Variants in TMTC2 observed in about 807,000 individuals in gnomAD.
TMTC2 encodes protein O-mannosyl-transferase TMTC2.
Under a neutral mutation model 82.4 loss-of-function variants are expected in TMTC2, and 43 were observed. The observed-to-expected ratio is 0.52, with a 90% confidence interval of 0.41 to 0.67. The LOEUF is 0.67. TMTC2 is among the 30% of genes least tolerant of loss of function. TMTC2 has a pLI of 0.00. For synonymous variants in TMTC2, 408 were observed against 381.9 expected (o/e 1.07, Z -0.80); for missense variants, 919 against 1,012.4 (o/e 0.91, Z 1.25).
chr12:82,879,166 G>A (rs1592596665), intron 2 of TMTC2, among the ~76,000 whole-genome samples: 1 of 152,264 alleles, frequency 6.6e-6, no homozygotes, highest in East Asian at 1.9e-4. Flanking sequence ...TCTTATATCA[G>A]TTACCACCTT....
At chr12:82,784,598 C>T (rs77441325) in intron 1 of TMTC2, among the ~76,000 whole-genome samples, 2,438 of 152,190 alleles carry the variant, frequency 0.016, 62 homozygotes, top group African/African-American at 0.055. Context: ...AGACTTCTAG[C>T]TTTCCTCTTT....
intron 2 of TMTC2, among the ~76,000 whole-genome samples, chr12:82,888,964 A>C (rs1873249934): frequency 6.6e-6 from 1 of 152,158 alleles, no homozygotes. Context: ...TAATAGCTTC[A>C]ATAAATAACA....
At chr12:82,947,686 T>G (rs1877098700) in intron 4 of TMTC2, among the ~76,000 whole-genome samples, 1 of 152,186 alleles carries the variant, frequency 6.6e-6, no homozygotes, top group Non-Finnish European at 1.5e-5. Flanking sequence ...AATAAGCAAG[T>G]TGGCCATTTC....
chr12:83,005,432 A>C (rs1880155592), intron 8 of TMTC2, among the ~76,000 whole-genome samples: 1 of 148,452 alleles, frequency 6.7e-6, no homozygotes, highest in African/African-American at 2.5e-5. Flanking sequence ...GTGGTGGGGG[A>C]GATGGGAGAG....
chr12:82,944,682 A>G (rs1876908023), intron 4 of TMTC2, among the ~76,000 whole-genome samples: 1 of 152,204 alleles, frequency 6.6e-6, no homozygotes, highest in Non-Finnish European at 1.5e-5. Context: ...TAGGACAGTA[A>G]GATGGGAGAA....
chr12:83,083,807 A>G (rs1434692382), intron 11 of TMTC2, among the ~76,000 whole-genome samples: 2 of 152,228 alleles, frequency 1.3e-5, no homozygotes, highest in Non-Finnish European at 2.9e-5. Context: ...GATGCTCAGC[A>G]CAAGACAGCA....
At chr12:82,730,296 C>A (rs75575529) in intron 1 of TMTC2, among the ~76,000 whole-genome samples, 33 of 78,978 alleles carry the variant, frequency 4.2e-4, no homozygotes, top group African/African-American at 5.6e-4. Context: ...CTCTGTCTCT[C>A]AAAAAAAAAA....
chr12:82,999,342 A>G (rs1265601526), intron 8 of TMTC2, among the ~76,000 whole-genome samples: 1 of 152,216 alleles, frequency 6.6e-6, no homozygotes, highest in Admixed American at 6.5e-5. Flanking sequence ...GTAAATTATC[A>G]TCCTCATGAT....
rs143703460 is a variant in TMTC2, at chr12:82,965,957, T to G, written c.1869+213T>G. The G allele has an allele frequency of 9.8e-5, 55 of 562,002 alleles. 2 individuals are homozygous for G. Among genetic ancestry groups the G allele is most frequent in the African/African-American group, 7.8e-4 (42 of 53,636 alleles). 34.8% of individuals were successfully genotyped at this position (562,002 alleles called of 1,614,324 possible). A position where few individuals can be genotyped will look rare whatever the true frequency, so the allele number is the denominator to read the frequency against. On this transcript the variant is annotated intron_variant, in intron 6 of 11. Transcript: ENST00000321196. ...GAAAAAGCTTCTGCTAAATAAAAAT[T>G]TAATAGATTTCTTTCCTGTGAGTTT...
At chr12:82,874,128 C>T (rs991770791) in intron 2 of TMTC2, among the ~76,000 whole-genome samples, 23 of 152,178 alleles carry the variant, frequency 1.5e-4, no homozygotes, top group Admixed American at 4.6e-4. Flanking sequence ...TAAGTGAAAG[C>T]CTCTGAAAAA....
intron 2 of TMTC2, among the ~76,000 whole-genome samples, chr12:82,870,587 A>T (rs1872123551): frequency 6.6e-6 from 1 of 152,196 alleles, no homozygotes; most frequent in African/African-American, 2.4e-5. Context: ...GCAAAATTTT[A>T]GTCATTAGCA....
rs117672019 is a variant in TMTC2, at chr12:83,107,790, G to A, written c.2332-24420G>A. 6.5e-3 allele frequency among the ~76,000 whole-genome samples: 983 copies of A among 152,080 alleles called. 7 individuals carry two copies. Among genetic ancestry groups the A allele is most frequent in the Non-Finnish European group, 0.01 (696 of 68,012 alleles). ...CTTATGACCCCCCGTGCCCACAAGA[G>A]ATTATCACTATTTAAATCACCACGC... is the stretch of plus-strand genomic sequence containing the variant. On this transcript the variant is annotated intron_variant, in intron 11 of 11. Coordinates refer to ENST00000321196, the MANE Select transcript of TMTC2 (RefSeq NM_152588.3).
At chr12:83,071,165 T>G (rs1380941087) in intron 11 of TMTC2, among the ~76,000 whole-genome samples, 5 of 151,256 alleles carry the variant, frequency 3.3e-5, no homozygotes, top group South Asian at 2.1e-4. Context: ...TTTTTTGTTT[T>G]TTTTTTTGAG....
rs3068166 is a variant in TMTC2, at chr12:82,876,097, ATGG to A, written c.654+18540_654+18542del. Among the ~76,000 whole-genome samples, 876 of 113,276 alleles carry A rather than the reference ATGG, an allele frequency of 7.7e-3. 6 individuals carry two copies. Among genetic ancestry groups the A allele is most frequent in the African/African-American group, 0.012 (311 of 25,054 alleles). The allele number at this position is 113,276 out of a possible 152,430, so 74.3% of individuals were successfully genotyped here. A position where few individuals can be genotyped will look rare whatever the true frequency, so the allele number is the denominator to read the frequency against. ...ATGATGATGGTGATTAGTATTCATA[ATGG>A]TGGTGGTGGTGGTGGTGGTGGTATT... On this transcript the variant is annotated intron_variant, in intron 2 of 11. Transcript: ENST00000321196.
At chr12:82,943,802 A>G (rs1049395429) in intron 4 of TMTC2, among the ~76,000 whole-genome samples, 1 of 152,236 alleles carries the variant, frequency 6.6e-6, no homozygotes, top group Non-Finnish European at 1.5e-5. Context: ...GTACCTTCAG[A>G]GTGATAGACA....
chr12:83,030,420 A>G (rs1881378149), intron 8 of TMTC2, among the ~76,000 whole-genome samples: 1 of 152,202 alleles, frequency 6.6e-6, no homozygotes, highest in Non-Finnish European at 1.5e-5. Flanking sequence ...AAAAAGAAGG[A>G]ATGAAGAGGA....
intron 7 of TMTC2, among the ~76,000 whole-genome samples, chr12:82,972,774 C>A (rs938312903): frequency 5.9e-5 from 9 of 152,110 alleles, no homozygotes; most frequent in Admixed American, 6.5e-5. Context: ...TAGGTCTGTA[C>A]ATTATGTTGT....
intron 4 of TMTC2, among the ~76,000 whole-genome samples, chr12:82,933,193 T>TG (rs1345547013): frequency 6.6e-6 from 1 of 152,184 alleles, no homozygotes; most frequent in Non-Finnish European, 1.5e-5. Context: ...CAAGAAATAT[T>TG]GGCAATGATT....
intron 8 of TMTC2, among the ~76,000 whole-genome samples, chr12:83,015,369 A>C (rs993302449): frequency 6.6e-5 from 10 of 152,180 alleles, no homozygotes; most frequent in African/African-American, 2.4e-4. Flanking sequence ...GCTTTGGTGA[A>C]AATTCTCTGA....
Sources: gnomAD v4.1 joint callset for allele counts (sites outside exome capture counted in the v4.1 genomes callset) on GRCh38, gnomAD v4.1.1 for gene constraint, MANE v1.5 for transcripts, NCBI Gene and HGNC (gene_info 2026-07-23, HGNC 2026-07-21) for gene names.